The following CAP2 variants were observed in gnomAD, a reference collection of about 807,000 sequenced individuals.
The protein encoded by CAP2 is cyclase associated actin cytoskeleton regulatory protein 2.
CAP2 carries 24 observed loss-of-function variants against 57.7 expected under a neutral mutation model. The observed-to-expected ratio is 0.42, with a 90% CI of 0.30 to 0.58. CAP2 has a LOEUF of 0.58. CAP2 is among the 20% of genes least tolerant of loss of function. The probability of loss-of-function intolerance (pLI) is 0.22; values close to 1 mark genes in which losing one functional copy is unlikely to be tolerated. For missense variants in CAP2, 501 were observed against 590.3 expected (o/e 0.85, Z 1.57); for synonymous variants, 194 against 207.2 (o/e 0.94, Z 0.55).
intron 4 of CAP2, among the ~76,000 whole-genome samples, chr6:17,495,817 A>G (rs1351105393): frequency 6.6e-6 from 1 of 152,106 alleles, no homozygotes; most frequent in Non-Finnish European, 1.5e-5. Context: ...AGAGAAAGCA[A>G]GAAAATACAG....
intron 7 of CAP2, among the ~76,000 whole-genome samples, chr6:17,535,532 C>T (rs939184637): frequency 6.6e-6 from 1 of 151,894 alleles, no homozygotes; most frequent in African/African-American, 2.4e-5. Context: ...CCTCGGCCTC[C>T]CAAAGTGCTG....
intron 4 of CAP2, among the ~76,000 whole-genome samples, chr6:17,469,359 G>T (rs190033601): frequency 8.5e-5 from 13 of 152,204 alleles, no homozygotes; most frequent in African/African-American, 2.6e-4. Context: ...AGCATTTCTC[G>T]TGCTGCTAAG....
intron 7 of CAP2, among the ~76,000 whole-genome samples, chr6:17,530,386 G>T (rs9465044): frequency 6.6e-6 from 1 of 151,986 alleles, no homozygotes; most frequent in African/African-American, 2.4e-5. Flanking sequence ...CTACTGCACT[G>T]GGCCTAACCT....
chr6:17,458,314 G>T (rs1440385963), intron 3 of CAP2, among the ~76,000 whole-genome samples: 9 of 152,100 alleles, frequency 5.9e-5, no homozygotes, highest in Admixed American at 5.9e-4. Flanking sequence ...CTCCAAAATG[G>T]CTTTGAGAAA....
intron 11 of CAP2, among the ~76,000 whole-genome samples, chr6:17,550,911 G>A (rs1763156696): frequency 6.6e-6 from 1 of 151,996 alleles, no homozygotes; most frequent in South Asian, 2.1e-4. Context: ...CTCAAATTCA[G>A]CCACTGAGAT....
intron 3 of CAP2, among the ~76,000 whole-genome samples, chr6:17,462,208 C>T (rs571454078): frequency 1.3e-5 from 2 of 151,838 alleles, no homozygotes; most frequent in Admixed American, 1.3e-4. Context: ...ACTGACATCT[C>T]TCCTGGGCCC....
intron 1 of CAP2, among the ~76,000 whole-genome samples, chr6:17,400,536 C>A (rs1170613963): frequency 6.6e-6 from 1 of 152,098 alleles, no homozygotes; most frequent in Non-Finnish European, 1.5e-5. Context: ...TCATTTCCTA[C>A]TTTGTTTCTA....
At chr6:17,449,949 CATTG>C (rs1230857994) in intron 3 of CAP2, among the ~76,000 whole-genome samples, 3 of 152,028 alleles carry the variant, frequency 2.0e-5, no homozygotes, top group Non-Finnish European at 4.4e-5. Context: ...ATATTCATGA[CATTG>C]ATTGTTTAAA....
chr6:17,501,094 C>T (rs1322463856), intron 4 of CAP2, among the ~76,000 whole-genome samples: 1 of 152,152 alleles, frequency 6.6e-6, no homozygotes, highest in Admixed American at 6.5e-5. Context: ...ATCATTCTTT[C>T]TCAAATGATA....
At chr6:17,465,716 G>A (rs1760846648) in intron 4 of CAP2, among the ~76,000 whole-genome samples, 1 of 152,178 alleles carries the variant, frequency 6.6e-6, no homozygotes, top group African/African-American at 2.4e-5. Flanking sequence ...TGCATACAGG[G>A]GAGAGAGTCC....
chr6:17,432,034 G>A (rs1759751564), intron 3 of CAP2, among the ~76,000 whole-genome samples: 1 of 152,044 alleles, frequency 6.6e-6, no homozygotes, highest in African/African-American at 2.4e-5. Context: ...ATGAACATCA[G>A]CCTCCTTCAT....
At chr6:17,394,087 C>T (rs899577156) in intron 1 of CAP2, among the ~76,000 whole-genome samples, 1 of 150,338 alleles carries the variant, frequency 6.7e-6, no homozygotes, top group African/African-American at 2.4e-5. Context: ...GCCGCGGCCT[C>T]CCCACCCCAG....
intron 4 of CAP2, among the ~76,000 whole-genome samples, chr6:17,484,441 G>C (rs536405449): frequency 3.3e-5 from 5 of 152,176 alleles, no homozygotes; most frequent in Non-Finnish European, 7.3e-5. Context: ...GCGGCATCAT[G>C]AGGGTAATGT....
At chr6:17,485,148 G>GT (rs987625633) in intron 4 of CAP2, among the ~76,000 whole-genome samples, 2,181 of 149,194 alleles carry the variant, frequency 0.015, 45 homozygotes, top group African/African-American at 0.045. Flanking sequence ...CCAGTCCTGG[G>GT]TTTTTTTTTT....
At position 17,502,083 on chromosome 6, in the gene CAP2, G is replaced by A. The variant is rs114014405; in HGVS notation, c.301-5086G>A. Among the ~76,000 whole-genome samples the A allele has an allele frequency of 7.5e-3, 1,146 of 152,290 alleles. 23 individuals carry two copies. The highest frequency in any genetic ancestry group is 0.027 in the African/African-American group (1,106 of 41,560). On this transcript the variant is annotated intron_variant, in intron 4 of 12. Transcript: ENST00000229922. Reference sequence around the variant, plus strand: ...GTAAAAGTCATTGCAAAGCACACTAGCTGCTAGACATATCTGGGGAGCTAC... The same window carrying A: ...GTAAAAGTCATTGCAAAGCACACTAACTGCTAGACATATCTGGGGAGCTAC...
At chr6:17,398,580 A>T (rs961263947) in intron 1 of CAP2, among the ~76,000 whole-genome samples, 2 of 150,552 alleles carry the variant, frequency 1.3e-5, no homozygotes, top group East Asian at 1.9e-4. Context: ...GCTGGAGTGC[A>T]GTGGCACGAT....
intron 4 of CAP2, among the ~76,000 whole-genome samples, chr6:17,481,543 ACTTGCTAATTTAC>A (rs1761286539): frequency 6.6e-6 from 1 of 152,184 alleles, no homozygotes. Flanking sequence ...CCAAGAATTT[ACTTGCTAATTTAC>A]TAACCATTTC....
intron 11 of CAP2, among the ~76,000 whole-genome samples, chr6:17,545,186 G>A (rs1763012947): frequency 6.6e-6 from 1 of 152,194 alleles, no homozygotes; most frequent in Non-Finnish European, 1.5e-5. Flanking sequence ...GTGTGTCACA[G>A]TTGAAAAGTA....
intron 3 of CAP2, among the ~76,000 whole-genome samples, chr6:17,448,569 T>A (rs537878326): frequency 6.6e-6 from 1 of 152,372 alleles, no homozygotes; most frequent in East Asian, 1.9e-4. Flanking sequence ...CTTTCCAGTC[T>A]TTGATCTTTT....
Sources: allele counts gnomAD v4.1 joint callset (sites outside exome capture counted in the v4.1 genomes callset), GRCh38; gene constraint gnomAD v4.1.1; transcripts MANE v1.5; gene names NCBI Gene and HGNC (gene_info 2026-07-23, HGNC 2026-07-21).